IGFBPL1: variants seen among roughly 807,000 people sequenced by gnomAD.
IGFBPL1 encodes insulin like growth factor binding protein like 1.
IGFBPL1 carries 20 observed loss-of-function variants against 23.9 expected under a neutral mutation model. The ratio of observed to expected loss-of-function variants is 0.84; its 90% confidence interval spans 0.59 to 1.22. The LOEUF is 1.22. Ranked by LOEUF, IGFBPL1 falls within the 50% of genes most tolerant of loss-of-function variation. The probability of loss-of-function intolerance (pLI) is 0.00; values close to 1 mark genes in which losing one functional copy is unlikely to be tolerated. For missense variants in IGFBPL1, 436 were observed against 379.3 expected (o/e 1.15, Z -1.24); for synonymous variants, 184 against 171.8 (o/e 1.07, Z -0.56).
At chr9:38,423,818 G>A in intron 1 of IGFBPL1, 147 bp downstream of exon 1, 2 of 795,520 alleles carry the variant, frequency 2.5e-6, no homozygotes, top group Non-Finnish European at 3.4e-6. Context: ...CTCTGAGCAC[G>A]AGGAGAGATA....
chr9:38,417,075 C>T (rs1389552716), intron 1 of IGFBPL1, among the ~76,000 whole-genome samples: 1 of 152,082 alleles, frequency 6.6e-6, no homozygotes, highest in Non-Finnish European at 1.5e-5. Flanking sequence ...AATAATAACA[C>T]TGTTATTATG....
At chr9:38,413,608 GC>G (rs1427242078) in intron 2 of IGFBPL1, among the ~76,000 whole-genome samples, 5 of 152,202 alleles carry the variant, frequency 3.3e-5, no homozygotes, top group Non-Finnish European at 7.3e-5. Flanking sequence ...GAATTTCAAC[GC>G]CTGTCTCAGG....
chr9:38,418,783 T>C (rs945476945), intron 1 of IGFBPL1, among the ~76,000 whole-genome samples: 1 of 151,938 alleles, frequency 6.6e-6, no homozygotes, highest in Non-Finnish European at 1.5e-5. Flanking sequence ...ATTGCACAAA[T>C]CCAACCATCC....
At position 38,409,156 on chromosome 9, in the gene IGFBPL1, A is replaced by G. The variant is rs1297012677; in HGVS notation, c.*71T>C. 1.3e-5 allele frequency: 2 copies of G among 152,222 alleles called. No homozygotes were observed. The highest frequency in any genetic ancestry group is 6.5e-5 in the Admixed American group (1 of 15,282). The allele number at this position is 152,222 out of a possible 1,614,324, so 9.4% of individuals were successfully genotyped here. A position where few individuals can be genotyped will look rare whatever the true frequency, so the allele number is the denominator to read the frequency against. ...ACACACACAGGTTTTCCAACTCTTC[A>G]TGAAGCACAAAGATCCGTTATTTGA... On this transcript the variant is annotated 3_prime_UTR_variant, in exon 5 of 5. Transcript: ENST00000377694.
intron 2 of IGFBPL1, among the ~76,000 whole-genome samples, 195 bp downstream of exon 2, chr9:38,413,899 A>G (rs1481710041): frequency 2.0e-5 from 3 of 152,146 alleles, no homozygotes; most frequent in Admixed American, 2.0e-4. Context: ...GGTTTGGGGT[A>G]GAAGTTTCGA....
At chr9:38,423,128 G>A (rs957374278) in intron 1 of IGFBPL1, among the ~76,000 whole-genome samples, 3 of 152,120 alleles carry the variant, frequency 2.0e-5, no homozygotes, top group Non-Finnish European at 4.4e-5. Context: ...TTAGGAAGCC[G>A]GTAAAGCAGT....
intron 2 of IGFBPL1, 129 bp downstream of exon 2, chr9:38,413,965 G>A (rs1821553790): frequency 3.0e-6 from 2 of 660,382 alleles, no homozygotes; most frequent in East Asian, 2.7e-5. Flanking sequence ...CACCTATAAA[G>A]GCATATATAT....
intron 1 of IGFBPL1, among the ~76,000 whole-genome samples, chr9:38,417,203 C>T (rs12339553): frequency 0.065 from 9,865 of 152,152 alleles, 1,062 homozygotes; most frequent in African/African-American, 0.22. Flanking sequence ...CCTGGGTTAC[C>T]GAGCATTAAA....
intron 1 of IGFBPL1, among the ~76,000 whole-genome samples, chr9:38,416,160 G>C (rs1366133438): frequency 1.3e-5 from 2 of 152,226 alleles, no homozygotes; most frequent in African/African-American, 4.8e-5. Flanking sequence ...GCCCAAACCA[G>C]TGCTCCAGTG....
intron 4 of IGFBPL1, among the ~76,000 whole-genome samples, chr9:38,410,091 C>G (rs1013264595): frequency 4.6e-5 from 7 of 152,096 alleles, no homozygotes; most frequent in Non-Finnish European, 1.0e-4. Context: ...TTTGAGAAAC[C>G]CTATCAGACT....
rs996919973 is a variant in IGFBPL1 at position 38,406,641 on chromosome 9, G to A, written c.*2586C>T. 3.9e-5 allele frequency among the ~76,000 whole-genome samples: 6 copies of A among 152,142 alleles called. No homozygotes were observed. The highest frequency in any genetic ancestry group is 1.9e-4 in the East Asian group (1 of 5,190). On this transcript the variant is annotated 3_prime_UTR_variant, in exon 5 of 5. Transcript: ENST00000377694. ...CGGGGAGTGGGGGCATTGTAATTAC[G>A]TCTCCAAATGCTAACAGCTGTGGCA...
chr9:38,409,238 AGAATT>A (rs1563918368), intron 4 of IGFBPL1, 21 bp from the exon 5 acceptor site: 1 of 152,230 alleles, frequency 6.6e-6, no homozygotes, highest in East Asian at 1.9e-4. Flanking sequence ...AAGGAGAGAA[AGAATT>A]AGAGAACGTA....
At chr9:38,419,957 A>T (rs1257225992) in intron 1 of IGFBPL1, among the ~76,000 whole-genome samples, 1 of 151,654 alleles carries the variant, frequency 6.6e-6, no homozygotes, top group African/African-American at 2.4e-5. Flanking sequence ...TGGCATGATC[A>T]TAGCTCACTG....
chr9:38,411,271 G>T, intron 4 of IGFBPL1, 120 bp downstream of exon 4: 2 of 791,608 alleles, frequency 2.5e-6, no homozygotes, highest in Non-Finnish European at 3.9e-6. Context: ...CTCTTCTTTT[G>T]CTCTTTCCCT....
Position 38,414,274 on chromosome 9 carries a change from C to T in IGFBPL1, c.461-71G>A, listed in dbSNP as rs182289050. The T allele has an allele frequency of 4.6e-4, 401 of 880,972 alleles. No individual in the cohort carries two copies. In the African/African-American group the frequency reaches 6.3e-3, roughly 14 times the overall value. The allele number at this position is 880,972 out of a possible 1,614,324, so 54.6% of individuals were successfully genotyped here. On this transcript the variant is annotated intron_variant, in intron 1 of 4. Transcript: ENST00000377694. ...CCAAGCAACCCACCTCTAAATTCCC[C>T]TGCCGCGGAGAGCCCGCTGTGATGT... is the stretch of plus-strand genomic sequence containing the variant.
At chr9:38,422,629 C>G (rs1294675366) in intron 1 of IGFBPL1, among the ~76,000 whole-genome samples, 1 of 152,198 alleles carries the variant, frequency 6.6e-6, no homozygotes, top group African/African-American at 2.4e-5. Context: ...TCCAGGGCCA[C>G]TCAGGGAGCC....
chr9:38,412,423 C>A (rs965323690), intron 3 of IGFBPL1, among the ~76,000 whole-genome samples: 21 of 152,156 alleles, frequency 1.4e-4, no homozygotes, highest in Admixed American at 6.5e-5. Context: ...CCAACATGGA[C>A]CCCTATCTCC....
Position 38,407,363 on chromosome 9 carries a change from A to G in IGFBPL1, c.*1864T>C, listed in dbSNP as rs1821441909. Reference sequence around the variant, plus strand: ...GTGAAGGAGACTTGCTCAGGGTCACACAGCGAGCCGGGGATTAATATGCAA... The same window carrying G: ...GTGAAGGAGACTTGCTCAGGGTCACGCAGCGAGCCGGGGATTAATATGCAA... On this transcript the variant is annotated 3_prime_UTR_variant, in exon 5 of 5. Coordinates refer to ENST00000377694, the MANE Select transcript of IGFBPL1 (RefSeq NM_001007563.3). Among the ~76,000 whole-genome samples the G allele has an allele frequency of 6.6e-6, 1 of 152,246 alleles. No homozygotes were observed. The highest frequency in any genetic ancestry group is 2.1e-4 in the South Asian group (1 of 4,826).
chr9:38,424,155 T>G lies in IGFBPL1; in HGVS notation c.270A>C (p.Val90=), dbSNP rs879746013. Residue 90 remains valine (V), a synonymous_variant, in exon 1 of 5, where the codon GTA becomes GTC. Coordinates refer to ENST00000377694, the MANE Select transcript of IGFBPL1 (RefSeq NM_001007563.3). Reference sequence around the variant, plus strand: ...CTGCCCCAGCGGCCTGGCTCGCGCATACCAGGCCGGGGCCACAGCGCCCGC... The same window carrying G: ...CTGCCCCAGCGGCCTGGCTCGCGCAGACCAGGCCGGGGCCACAGCGCCCGC... ...RAGGRCGPGL[V]CASQAAGAAP... 8.3e-7 allele frequency: 1 copy of G among 1,207,810 alleles called. No individual in the cohort carries two copies. The highest frequency in any genetic ancestry group is 1.6e-5 in the African/African-American group (1 of 62,650). 74.8% of individuals were successfully genotyped at this position (1,207,810 alleles called of 1,614,324 possible). A position where few individuals can be genotyped will look rare whatever the true frequency, so the allele number is the denominator to read the frequency against.
Sources: gnomAD v4.1 joint callset for allele counts (sites outside exome capture counted in the v4.1 genomes callset) on GRCh38, gnomAD v4.1.1 for gene constraint, MANE v1.5 for transcripts, NCBI Gene and HGNC (gene_info 2026-07-23, HGNC 2026-07-21) for gene names.